HMBOX1: variants seen among roughly 807,000 people sequenced by gnomAD.
The protein encoded by HMBOX1 is homeobox containing 1.
Under a neutral mutation model 54.5 loss-of-function variants are expected in HMBOX1, and 14 were observed. The ratio of observed to expected loss-of-function variants is 0.26; its 90% confidence interval spans 0.17 to 0.40. HMBOX1 has a LOEUF of 0.40. Among genes scored for constraint, HMBOX1 ranks in the 10% least tolerant of loss-of-function variants. HMBOX1 has a pLI of 1.00. For synonymous variants in HMBOX1, 160 were observed against 181.0 expected (o/e 0.88, Z 0.93); for missense variants, 332 against 514.4 (o/e 0.65, Z 3.43).
At chr8:28,990,321 A>G (rs944452713) in intron 4 of HMBOX1, among the ~76,000 whole-genome samples, 1 of 152,146 alleles carries the variant, frequency 6.6e-6, no homozygotes, top group African/African-American at 2.4e-5. Flanking sequence ...TAAGTTTTTC[A>G]TAGTTGCCCT....
intron 1 of HMBOX1, among the ~76,000 whole-genome samples, chr8:28,928,141 A>T (rs1426758751): frequency 6.6e-6 from 1 of 152,112 alleles, no homozygotes; most frequent in Non-Finnish European, 1.5e-5. Flanking sequence ...CTCAAAAAAA[A>T]AAAAGAACTA....
chr8:28,914,606 A>G (rs897211925), intron 1 of HMBOX1, among the ~76,000 whole-genome samples: 4 of 152,238 alleles, frequency 2.6e-5, no homozygotes, highest in African/African-American at 9.6e-5. Flanking sequence ...GAACCACAGC[A>G]CTGCAGACAG....
At position 28,951,806 on chromosome 8, in the gene HMBOX1, G is replaced by A. The variant is rs112763922; in HGVS notation, c.-57-12005G>A. Among the ~76,000 whole-genome samples the A allele has an allele frequency of 6.6e-3, 1,007 of 152,286 alleles. 12 individuals carry two copies. Among genetic ancestry groups the A allele is most frequent in the East Asian group, 0.053 (274 of 5,182 alleles). On this transcript the variant is annotated intron_variant, in intron 1 of 9. Coordinates refer to ENST00000287701, the MANE Select transcript of HMBOX1 (RefSeq NM_001135726.3). Reference sequence around the variant, plus strand: ...GTTAGGCTCTCTGCAGGAGTTTTGTGTTGAATTTGGGGAGCCACTTTTTAA... The same window carrying A: ...GTTAGGCTCTCTGCAGGAGTTTTGTATTGAATTTGGGGAGCCACTTTTTAA...
intron 1 of HMBOX1, among the ~76,000 whole-genome samples, chr8:28,920,786 T>C (rs1817415990): frequency 6.6e-6 from 1 of 152,162 alleles, no homozygotes; most frequent in African/African-American, 2.4e-5. Context: ...TCATCTATCT[T>C]TTGAGAGACC....
intron 5 of HMBOX1, among the ~76,000 whole-genome samples, chr8:29,018,027 G>A (rs2132980808): frequency 6.6e-6 from 1 of 152,250 alleles, no homozygotes; most frequent in African/African-American, 2.4e-5. Flanking sequence ...TCATAATTAT[G>A]TTTTGGGAAG....
intron 9 of HMBOX1, chr8:29,050,754 T>G (rs1806329822): frequency 6.7e-6 from 3 of 445,976 alleles, no homozygotes; most frequent in Non-Finnish European, 1.2e-5. Flanking sequence ...CCAGCAATCT[T>G]ATTAATAGAA....
At chr8:28,925,418 C>T (rs1029069582) in intron 1 of HMBOX1, among the ~76,000 whole-genome samples, 4 of 152,014 alleles carry the variant, frequency 2.6e-5, no homozygotes, top group African/African-American at 9.7e-5. Context: ...TAAATGGCAG[C>T]CATGTAGTTA....
chr8:29,001,935 A>G (rs1183048851), intron 4 of HMBOX1, among the ~76,000 whole-genome samples: 1 of 152,214 alleles, frequency 6.6e-6, no homozygotes, highest in Non-Finnish European at 1.5e-5. Flanking sequence ...AAATATGAGG[A>G]GTTGGGTGCA....
chr8:29,047,279 A>G (rs1805710505), intron 7 of HMBOX1, 79 bp from the exon 8 acceptor site: 3 of 838,970 alleles, frequency 3.6e-6, no homozygotes, highest in Non-Finnish European at 4.0e-6. Context: ...GCAACAAAAT[A>G]AAAATATTAG....
At chr8:29,040,472 TATAA>T (rs1159000938) in intron 6 of HMBOX1, among the ~76,000 whole-genome samples, 1 of 152,236 alleles carries the variant, frequency 6.6e-6, no homozygotes, top group Non-Finnish European at 1.5e-5. Flanking sequence ...CATGAGGTAC[TATAA>T]ATGTCATTTT....
intron 6 of HMBOX1, among the ~76,000 whole-genome samples, chr8:29,027,684 G>A (rs1452394335): frequency 6.6e-6 from 1 of 152,200 alleles, no homozygotes; most frequent in African/African-American, 2.4e-5. Context: ...AGGAATAAAT[G>A]TGAGAATACC....
intron 4 of HMBOX1, among the ~76,000 whole-genome samples, chr8:28,985,899 T>A (rs1586285222): frequency 6.6e-6 from 1 of 151,492 alleles, no homozygotes; most frequent in East Asian, 2.0e-4. Context: ...AGCCCCAGAG[T>A]GGTACCTTTG....
At chr8:29,020,616 A>G (rs1800999766) in intron 6 of HMBOX1, among the ~76,000 whole-genome samples, 1 of 152,194 alleles carries the variant, frequency 6.6e-6, no homozygotes, top group African/African-American at 2.4e-5. Flanking sequence ...GCTTAATTTT[A>G]TGTTACCTGG....
chr8:28,892,807 A>C (rs1204982653), intron 1 of HMBOX1, among the ~76,000 whole-genome samples: 1 of 152,202 alleles, frequency 6.6e-6, no homozygotes, highest in Non-Finnish European at 1.5e-5. Context: ...CTAAGCCATT[A>C]GTTTGTGATA....
At chr8:29,005,231 A>G (rs543194253) in intron 4 of HMBOX1, among the ~76,000 whole-genome samples, 265 of 152,340 alleles carry the variant, frequency 1.7e-3, no homozygotes, top group Middle Eastern at 6.8e-3. Context: ...GAGGGGGAAG[A>G]CAGAAATTCT....
At chr8:28,973,803 G>GTTTTTTTTTTTTATTTT (rs1827850641) in intron 3 of HMBOX1, among the ~76,000 whole-genome samples, 1 of 72,618 alleles carries the variant, frequency 1.4e-5, no homozygotes, top group Non-Finnish European at 2.6e-5. Flanking sequence ...ACATAATGGA[G>GTTTTTTTTTTTTATTTT]TTTTTTTTTT....
Position 29,051,008 on chromosome 8 carries a change from G to T in HMBOX1, c.1126-10G>T. 6.2e-7 allele frequency: 1 copy of T among 1,603,198 alleles called. No individual in the cohort carries two copies. The highest frequency in any genetic ancestry group is 1.1e-5 in the South Asian group (1 of 90,202). On this transcript the variant is annotated splice_polypyrimidine_tract_variant and intron_variant, in intron 9 of 9. Coordinates refer to ENST00000287701, the MANE Select transcript of HMBOX1 (RefSeq NM_001135726.3). Reference sequence around the variant, plus strand: ...TCCACTAATAACATTTCTTATTTCTGCACATCTAGGATGACAGTACGAGCC... The same window carrying T: ...TCCACTAATAACATTTCTTATTTCTTCACATCTAGGATGACAGTACGAGCC...
chr8:28,895,674 C>CAAAAAA (rs544463520), intron 1 of HMBOX1, among the ~76,000 whole-genome samples: 3 of 137,346 alleles, frequency 2.2e-5, no homozygotes, highest in African/African-American at 8.1e-5. Flanking sequence ...GACTCAGTCT[C>CAAAAAA]AAAAAAAAAA....
intron 6 of HMBOX1, among the ~76,000 whole-genome samples, chr8:29,039,950 A>T (rs1804579518): frequency 6.6e-6 from 1 of 152,160 alleles, no homozygotes; most frequent in Non-Finnish European, 1.5e-5. Flanking sequence ...GTGTAATCAG[A>T]TCACATCACT....
Sources: allele counts gnomAD v4.1 joint callset (sites outside exome capture counted in the v4.1 genomes callset), GRCh38; gene constraint gnomAD v4.1.1; transcripts MANE v1.5; gene names NCBI Gene and HGNC (gene_info 2026-07-23, HGNC 2026-07-21).